The following FNBP1 variants were observed in gnomAD, a reference collection of about 807,000 sequenced individuals.
The protein encoded by FNBP1 is formin-binding protein 1.
FNBP1 carries 26 observed loss-of-function variants against 90.6 expected under a neutral mutation model. The ratio of observed to expected loss-of-function variants is 0.29; its 90% CI spans 0.21 to 0.40. FNBP1 has a LOEUF of 0.40. FNBP1 is among the 10% of genes least tolerant of loss of function. The pLI, the probability that FNBP1 is intolerant of heterozygous loss-of-function variation, is 1.00. For missense variants in FNBP1, 635 were observed against 768.0 expected (o/e 0.83, Z 2.05); for synonymous variants, 260 against 265.2 (o/e 0.98, Z 0.19).
At chr9:129,916,576 A>AT (rs989301373) in intron 10 of FNBP1, among the ~76,000 whole-genome samples, 1 of 151,390 alleles carries the variant, frequency 6.6e-6, no homozygotes, top group Admixed American at 6.6e-5. Flanking sequence ...GAGGTCGCGC[A>AT]TTGCACTCCA....
intron 13 of FNBP1, among the ~76,000 whole-genome samples, chr9:129,901,438 G>A (rs2036917093): frequency 6.6e-6 from 1 of 152,148 alleles, no homozygotes; most frequent in African/African-American, 2.4e-5. Context: ...TCGGGAGGCT[G>A]AGGCACGAGA....
rs764441806 is a variant in FNBP1 at position 129,925,076 on chromosome 9, T to C, written c.871A>G (p.Met291Val). ...CTGTTATCTGACACAGTGCGCTTCA[T>C]TGGCTGAGTGTAATCCTCAAATTCA... ...DIEFEDYTQP[M>V]KRTVSDNSLS... The change falls in exon 9 of 17, where the codon ATG (methionine) becomes GTG (valine). Residue 291 changes from methionine to valine, a missense_variant. Coordinates refer to ENST00000446176, the MANE Select transcript of FNBP1 (RefSeq NM_015033.3). The C allele has an allele frequency of 1.2e-5, 20 of 1,613,862 alleles. No individual in the cohort carries two copies. In the Admixed American group the frequency reaches 2.7e-4, roughly 22 times the overall value.
At chr9:130,050,350 C>T in the FNBP1 span, among the ~76,000 whole-genome samples, 1 of 152,112 alleles carries the variant, frequency 6.6e-6, no homozygotes, top group Non-Finnish European at 1.5e-5. Flanking sequence ...GCAAGTTATA[C>T]ACTAGGGTCG....
chr9:129,956,295 C>T (rs1262709000), intron 6 of FNBP1, among the ~76,000 whole-genome samples: 1 of 152,182 alleles, frequency 6.6e-6, no homozygotes, highest in Non-Finnish European at 1.5e-5. Flanking sequence ...CCCAACTAAA[C>T]TCAACTCTAA....
At position 130,031,675 on chromosome 9, in the gene FNBP1, T is replaced by C. The variant is rs187068438; in HGVS notation, c.24+11277A>G. ...AATTTCTTTCTTTCTTTCTTTCTTTTTTTTGACAGGGAGTCTCGCTCTGTT... is the reference window on the plus strand; with the variant it reads ...AATTTCTTTCTTTCTTTCTTTCTTTCTTTTGACAGGGAGTCTCGCTCTGTT... On this transcript the variant is annotated intron_variant, in intron 1 of 16. Transcript: ENST00000446176. The surrounding 1 kb of genome is among the most constrained non-coding windows in gnomAD (Gnocchi z 4.2). Among the ~76,000 whole-genome samples the C allele has an allele frequency of 5.9e-4, 89 of 151,582 alleles. No individual in the cohort carries two copies. Among genetic ancestry groups the C allele is most frequent in the Middle Eastern group, 3.4e-3 (1 of 292 alleles).
rs1289621799 is a variant in FNBP1 at position 129,888,084 on chromosome 9, C to T, written c.*2455G>A. 5 of 232,646 alleles carry T rather than the reference C, an allele frequency of 2.1e-5. No homozygotes were observed. Among genetic ancestry groups the T allele is most frequent in the Non-Finnish European group, 4.2e-5 (5 of 117,768 alleles). 14.4% of individuals were successfully genotyped at this position (232,646 alleles called of 1,614,324 possible). A position where few individuals can be genotyped will look rare whatever the true frequency, so the allele number is the denominator to read the frequency against. ...CACTCGCTATAACATTCTTTTTGGACGCAGGTGGTGGAAAAGTTTAAAAAA... is the reference window on the plus strand; with the variant it reads ...CACTCGCTATAACATTCTTTTTGGATGCAGGTGGTGGAAAAGTTTAAAAAA... On this transcript the variant is annotated 3_prime_UTR_variant, in exon 17 of 17. Transcript: ENST00000446176.
intron 1 of FNBP1, among the ~76,000 whole-genome samples, chr9:130,036,405 T>C (rs2059314634): frequency 1.3e-5 from 2 of 152,202 alleles, no homozygotes; most frequent in South Asian, 2.1e-4. Flanking sequence ...TAGACACTTA[T>C]AAAACTCTTT....
At chr9:130,020,358 C>T (rs765861641) in intron 1 of FNBP1, among the ~76,000 whole-genome samples, 6 of 151,780 alleles carry the variant, frequency 4.0e-5, no homozygotes, top group Non-Finnish European at 8.8e-5. Flanking sequence ...TACAGGCGCC[C>T]GCCACCACGC....
chr9:129,958,534 T>A lies in FNBP1; in HGVS notation c.365A>T (p.Lys122Ile), dbSNP rs764240434. ...GCAAGTCTCGATGTGCTGCTGTGCT[T>A]TACGGCCATCGTGAAAGTTCTGCAA... ...ERKSNFHDGR[K>I]AQQHIETCWK... Residue 122 changes from lysine to isoleucine, a missense_variant, in exon 5 of 17, where the codon AAA becomes ATA. Transcript: ENST00000446176. The A allele has an allele frequency of 6.3e-7, 1 of 1,597,564 alleles. No homozygotes were observed. Among genetic ancestry groups the A allele is most frequent in the South Asian group, 1.1e-5 (1 of 88,294 alleles).
At chr9:129,932,307 AAAG>A (rs772825819) in intron 6 of FNBP1, among the ~76,000 whole-genome samples, 35 of 152,210 alleles carry the variant, frequency 2.3e-4, no homozygotes, top group Non-Finnish European at 2.4e-4. Context: ...AAAGAAAAGA[AAAG>A]AAACACATGA....
At chr9:130,011,347 A>G (rs2056585132) in intron 1 of FNBP1, among the ~76,000 whole-genome samples, 1 of 150,290 alleles carries the variant, frequency 6.7e-6, no homozygotes, top group African/African-American at 2.4e-5. Context: ...AAGGTGTGCA[A>G]GAACATAATA....
intron 10 of FNBP1, 92 bp from the exon 11 acceptor site, chr9:129,916,072 A>G: frequency 2.2e-6 from 2 of 899,084 alleles, no homozygotes; most frequent in South Asian, 2.9e-5. Context: ...AAGAAGAGGA[A>G]CTTGGTCAGT....
chr9:130,011,480 T>C (rs2056599737), intron 1 of FNBP1, among the ~76,000 whole-genome samples: 1 of 151,928 alleles, frequency 6.6e-6, no homozygotes, highest in African/African-American at 2.4e-5. Context: ...CTATGGGAAC[T>C]GATTAGGCTA....
At chr9:129,905,274 TTG>T (rs71497500) in intron 12 of FNBP1, among the ~76,000 whole-genome samples, 38 of 123,446 alleles carry the variant, frequency 3.1e-4, no homozygotes, top group Admixed American at 8.9e-4. Flanking sequence ...ATCTGTTGAA[TTG>T]TGTGTGTGTG....
chr9:129,932,272 AAGAG>A (rs1279451751), intron 6 of FNBP1, among the ~76,000 whole-genome samples: 78 of 152,280 alleles, frequency 5.1e-4, no homozygotes, highest in Non-Finnish European at 5.3e-4. Flanking sequence ...GAGAAAGTGA[AAGAG>A]AGAAAGAAAA....
intron 16 of FNBP1, among the ~76,000 whole-genome samples, chr9:129,891,362 G>GA (rs2035088007): frequency 6.6e-6 from 1 of 152,192 alleles, no homozygotes; most frequent in Non-Finnish European, 1.5e-5. Context: ...TATTCGGGAA[G>GA]ATGAGTTGGA....
chr9:129,899,333 C>A (rs1201115571), intron 15 of FNBP1, among the ~76,000 whole-genome samples: 1 of 152,100 alleles, frequency 6.6e-6, no homozygotes, highest in Non-Finnish European at 1.5e-5. Context: ...CCGCCTCAGC[C>A]TCCCAAAGTT....
chr9:129,905,879 C>CTTTTTTTTTTTTTTTTTTTTTTTTTTTTT (rs35439760), intron 12 of FNBP1, among the ~76,000 whole-genome samples: 2 of 145,390 alleles, frequency 1.4e-5, no homozygotes, highest in African/African-American at 2.5e-5. Flanking sequence ...AGGCATATTT[C>CTTTTTTTTTTTTTTTTTTTTTTTTTTTTT]TTTTTTTTTT....
chr9:129,913,707 G>T (rs1436060387), intron 11 of FNBP1, among the ~76,000 whole-genome samples: 1 of 151,888 alleles, frequency 6.6e-6, no homozygotes, highest in Non-Finnish European at 1.5e-5. Context: ...GGAGGTGGAG[G>T]TTGCAGTGAG....
Sources: allele counts gnomAD v4.1 joint callset (sites outside exome capture counted in the v4.1 genomes callset), GRCh38; gene constraint gnomAD v4.1.1; non-coding constraint Gnocchi (gnomAD v3.1); transcripts MANE v1.5; gene names NCBI Gene and HGNC (gene_info 2026-07-23, HGNC 2026-07-21).